ATRNL1: variants seen among roughly 807,000 people sequenced by gnomAD.
ATRNL1 encodes the protein attractin like 1, also known as attractin-like protein 1.
Under a neutral mutation model 182.7 loss-of-function variants are expected in ATRNL1, and 95 were observed. The observed-to-expected ratio is 0.52, with a 90% CI of 0.44 to 0.62. The LOEUF is 0.62. ATRNL1 is among the 20% of genes least tolerant of loss of function. The pLI is 0.00. For missense variants in ATRNL1, 1,471 were observed against 1,679.5 expected, an observed-to-expected ratio of 0.88 and a Z score of 2.17; for synonymous variants, 576 against 568.3, an observed-to-expected ratio of 1.01 and a Z score of -0.19.
chr10:115,521,239 C>T (rs575140416), intron 25 of ATRNL1, among the ~76,000 whole-genome samples: 1 of 152,022 alleles, frequency 6.6e-6, no homozygotes, highest in South Asian at 2.1e-4. Flanking sequence ...CTGCAACCTT[C>T]ACCTCCCGGG....
At chr10:115,679,983 G>C (rs143099620) in intron 26 of ATRNL1, among the ~76,000 whole-genome samples, 316 of 152,146 alleles carry the variant, frequency 2.1e-3, no homozygotes, top group Non-Finnish European at 4.2e-3. Flanking sequence ...TATGTGATCT[G>C]TCTCCCACTT....
chr10:115,784,602 A>G (rs1419524936), intron 27 of ATRNL1, among the ~76,000 whole-genome samples: 2 of 152,166 alleles, frequency 1.3e-5, no homozygotes, highest in Non-Finnish European at 2.9e-5. Context: ...CAAGATGTCA[A>G]CAGGGTTGGT....
chr10:115,646,013 T>C (rs1401604717), intron 26 of ATRNL1, among the ~76,000 whole-genome samples: 1 of 146,252 alleles, frequency 6.8e-6, no homozygotes, highest in Non-Finnish European at 1.5e-5. Context: ...CTCTTTGGTA[T>C]GTTTTTACAA....
chr10:115,728,198 G>A (rs933436707), intron 27 of ATRNL1, among the ~76,000 whole-genome samples: 1 of 148,164 alleles, frequency 6.7e-6, no homozygotes, highest in Non-Finnish European at 1.5e-5. Context: ...AGGAGACTGA[G>A]GCAGAAGAAT....
At chr10:115,394,608 T>C (rs782780225) in intron 19 of ATRNL1, 51 bp from the exon 20 acceptor site, 2 of 1,315,670 alleles carry the variant, frequency 1.5e-6, no homozygotes, top group Admixed American at 1.7e-5. Context: ...ATGTGAAATG[T>C]GCATGTTTGT....
intron 28 of ATRNL1, among the ~76,000 whole-genome samples, chr10:115,902,628 A>G (rs1952389830): frequency 6.6e-6 from 1 of 152,214 alleles, no homozygotes; most frequent in South Asian, 2.1e-4. Flanking sequence ...AAGCTACACA[A>G]AAAGCAAATA....
At chr10:115,906,818 C>T (rs1318642309) in intron 28 of ATRNL1, among the ~76,000 whole-genome samples, 4 of 151,936 alleles carry the variant, frequency 2.6e-5, no homozygotes, top group African/African-American at 9.7e-5. Flanking sequence ...TGAACAAATA[C>T]TTTTTTTAAA....
At chr10:115,360,663 A>T (rs1433055252) in intron 19 of ATRNL1, among the ~76,000 whole-genome samples, 5 of 149,478 alleles carry the variant, frequency 3.3e-5, no homozygotes, top group African/African-American at 9.8e-5. Flanking sequence ...TTTTTTTTTT[A>T]AAAAAAAATT....
Position 115,299,025 on chromosome 10 carries a change from C to A in ATRNL1, c.2416-1009C>A, listed in dbSNP as rs1853339916. ...AATACTGGATATAAATATCTTATTT[C>A]TATGTTGTTAATGTCTAAGGTGGAG... On this transcript the variant is annotated intron_variant, in intron 15 of 28. Coordinates refer to ENST00000355044, the MANE Select transcript of ATRNL1 (RefSeq NM_207303.4). 2.0e-5 allele frequency among the ~76,000 whole-genome samples: 3 copies of A among 151,538 alleles called. No individual in the cohort carries two copies. The South Asian group carries it at 6.2e-4, about 32-fold the overall frequency.
At chr10:115,178,107 T>C (rs972989800) in intron 8 of ATRNL1, among the ~76,000 whole-genome samples, 1 of 151,612 alleles carries the variant, frequency 6.6e-6, no homozygotes, top group Admixed American at 6.6e-5. Flanking sequence ...TTAGTAGAGA[T>C]GGGGTTTCGC....
Position 115,928,700 on chromosome 10 carries a change from A to G in ATRNL1, c.4019-15958A>G, listed in dbSNP as rs950788506. 5.9e-5 allele frequency among the ~76,000 whole-genome samples: 9 copies of G among 151,926 alleles called. No individual in the cohort carries two copies. In the South Asian group the frequency reaches 1.7e-3, roughly 28 times the overall value. ...CTGATCAAAACCAGAAGTAAAACAG[A>G]TTTTTTTTAAATAGAGAAGTATTTT... On this transcript the variant is annotated intron_variant, in intron 28 of 28. Transcript: ENST00000355044.
chr10:115,641,560 A>G (rs1170998760), intron 26 of ATRNL1, among the ~76,000 whole-genome samples: 2 of 152,204 alleles, frequency 1.3e-5, no homozygotes, highest in Non-Finnish European at 2.9e-5. Context: ...TCCTAGATAG[A>G]AAAACTAGAC....
At chr10:115,180,680 A>G (rs901017805) in intron 8 of ATRNL1, among the ~76,000 whole-genome samples, 2 of 151,996 alleles carry the variant, frequency 1.3e-5, no homozygotes, top group African/African-American at 4.8e-5. Flanking sequence ...CAAGGCAACC[A>G]TGGAACAAAA....
chr10:115,638,228 G>T (rs528573700), intron 26 of ATRNL1, among the ~76,000 whole-genome samples: 3 of 152,018 alleles, frequency 2.0e-5, no homozygotes, highest in Non-Finnish European at 4.4e-5. Context: ...GACACTTACC[G>T]TAGTATTACA....
At chr10:115,539,699 T>C (rs574394147) in intron 25 of ATRNL1, among the ~76,000 whole-genome samples, 2 of 152,278 alleles carry the variant, frequency 1.3e-5, no homozygotes, top group African/African-American at 2.4e-5. Flanking sequence ...CCAGGCAGTC[T>C]GAAGCAGGAA....
intron 26 of ATRNL1, among the ~76,000 whole-genome samples, chr10:115,709,317 CT>C (rs1396098316): frequency 1.3e-5 from 2 of 151,806 alleles, no homozygotes; most frequent in African/African-American, 4.8e-5. Context: ...ATTCAGATAC[CT>C]TGCATGTCTA....
Position 115,173,903 on chromosome 10 carries a change from GT to G in ATRNL1, c.1348+2622del, listed in dbSNP as rs58406261. ...AGTTGAATTTTGCTTTGTGATTCCT[GT>G]TTTTTTTTTTGTAAATTTTCTGTAC... On this transcript the variant is annotated intron_variant, in intron 8 of 28. Coordinates refer to ENST00000355044, the MANE Select transcript of ATRNL1 (RefSeq NM_207303.4). Among the ~76,000 whole-genome samples, 1,104 of 140,546 alleles carry G rather than the reference GT, an allele frequency of 7.9e-3. 13 individuals are homozygous for G. The highest frequency in any genetic ancestry group is 0.027 in the African/African-American group (1,047 of 38,760). The allele number at this position is 140,546 out of a possible 152,430, so 92.2% of individuals were successfully genotyped here.
intron 26 of ATRNL1, among the ~76,000 whole-genome samples, chr10:115,583,673 A>G (rs1207495458): frequency 2.0e-5 from 3 of 147,652 alleles, no homozygotes; most frequent in Non-Finnish European, 4.5e-5. Flanking sequence ...GGTTTTCTAG[A>G]TATACAATCA....
At chr10:115,799,365 T>G (rs1369275227) in intron 27 of ATRNL1, among the ~76,000 whole-genome samples, 1 of 152,206 alleles carries the variant, frequency 6.6e-6, no homozygotes, top group Admixed American at 6.5e-5. Flanking sequence ...TCTACCTGAT[T>G]CCTTTTCTCA....
Sources: gnomAD v4.1 joint callset for allele counts (sites outside exome capture counted in the v4.1 genomes callset) on GRCh38, gnomAD v4.1.1 for gene constraint, MANE v1.5 for transcripts, NCBI Gene and HGNC (gene_info 2026-07-23, HGNC 2026-07-21) for gene names.